BICD1: variants seen among roughly 807,000 people sequenced by gnomAD.
BICD1 encodes the protein protein bicaudal D homolog 1.
A neutral mutation model predicts 92.5 loss-of-function variants in BICD1; 35 were observed. The observed-to-expected ratio is 0.38, with a 90% CI of 0.29 to 0.50. The LOEUF is 0.50. Ranked by LOEUF, BICD1 falls within the 20% of genes least tolerant of loss-of-function variation. BICD1 has a pLI of 0.93. For missense variants in BICD1, 950 were observed against 1,189.8 expected (o/e 0.80, Z 2.97); for synonymous variants, 429 against 465.1 (o/e 0.92, Z 1.00).
intron 1 of BICD1, among the ~76,000 whole-genome samples, chr12:32,124,112 C>G (rs995912155): frequency 6.6e-6 from 1 of 152,174 alleles, no homozygotes; most frequent in Non-Finnish European, 1.5e-5. Context: ...TAAAGACAGT[C>G]TCAACATTGT....
intron 2 of BICD1, among the ~76,000 whole-genome samples, chr12:32,233,242 A>T (rs1188501213): frequency 2.0e-5 from 3 of 149,448 alleles, no homozygotes; most frequent in Admixed American, 1.4e-4. Flanking sequence ...GAATCGCTTG[A>T]ACCCAGGAGG....
chr12:32,122,554 T>C (rs1942194857), intron 1 of BICD1, among the ~76,000 whole-genome samples: 2 of 152,116 alleles, frequency 1.3e-5, no homozygotes, highest in African/African-American at 4.8e-5. Flanking sequence ...TTCTCAGGTC[T>C]TCTATCTTAA....
At chr12:32,302,132 C>T (rs968301648) in intron 3 of BICD1, among the ~76,000 whole-genome samples, 1 of 152,098 alleles carries the variant, frequency 6.6e-6, no homozygotes, top group Non-Finnish European at 1.5e-5. Context: ...GTGATCCGCC[C>T]GCCTCAGCCT....
At chr12:32,350,106 C>T (rs906197254) in intron 8 of BICD1, among the ~76,000 whole-genome samples, 6 of 152,156 alleles carry the variant, frequency 3.9e-5, no homozygotes, top group African/African-American at 1.2e-4. Flanking sequence ...GCCTGAGCTC[C>T]GGCTGTGAGC....
chr12:32,180,115 T>C (rs1215796479), intron 1 of BICD1, among the ~76,000 whole-genome samples: 1 of 151,986 alleles, frequency 6.6e-6, no homozygotes, highest in African/African-American at 2.4e-5. Context: ...ATTTCTTTTT[T>C]AGACTTTCAT....
At chr12:32,342,935 G>A (rs1938435903) in intron 8 of BICD1, among the ~76,000 whole-genome samples, 1 of 152,124 alleles carries the variant, frequency 6.6e-6, no homozygotes, top group African/African-American at 2.4e-5. Context: ...TATACTGATC[G>A]GTTTGCTGCA....
At chr12:32,209,110 C>T (rs1364228298) in intron 1 of BICD1, among the ~76,000 whole-genome samples, 1 of 152,054 alleles carries the variant, frequency 6.6e-6, no homozygotes, top group Non-Finnish European at 1.5e-5. Context: ...CGTGAGCCAC[C>T]GCGCCCAGTC....
chr12:32,369,315 C>T (rs325437), intron 9 of BICD1, among the ~76,000 whole-genome samples: 92,035 of 152,190 alleles, frequency 0.6, 29,363 homozygotes, highest in African/African-American at 0.81. Flanking sequence ...CTCAGTAGTC[C>T]GGTTGTGGTT....
At chr12:32,231,713 A>G (rs1279068826) in intron 2 of BICD1, among the ~76,000 whole-genome samples, 1 of 151,228 alleles carries the variant, frequency 6.6e-6, no homozygotes, top group Non-Finnish European at 1.5e-5. Context: ...AGCATTAGGT[A>G]TATCCCCCAA....
At chr12:32,141,538 A>T (rs7305973) in intron 1 of BICD1, among the ~76,000 whole-genome samples, 12,213 of 152,032 alleles carry the variant, frequency 0.08, 656 homozygotes, top group Admixed American at 0.14. Context: ...CAGTGGTGCA[A>T]TCTCGGCTCA....
Position 32,372,945 on chromosome 12 carries a change from A to C in BICD1, c.2841-4595A>C, listed in dbSNP as rs537329974. ...CAGGCTAATTCCATTGTAGAGCTAA[A>C]TTATCAAAATTGTTTATAGATAATA... is the stretch of plus-strand genomic sequence containing the variant. On this transcript the variant is annotated intron_variant, in intron 9 of 9. Coordinates refer to ENST00000652176, the MANE Select transcript of BICD1 (RefSeq NM_001714.4). 6.8e-4 allele frequency among the ~76,000 whole-genome samples: 103 copies of C among 152,364 alleles called. 1 individual carries two copies. The highest frequency in any genetic ancestry group is 3.4e-3 in the Middle Eastern group (1 of 294).
chr12:32,223,354 C>T (rs7968006), intron 2 of BICD1, among the ~76,000 whole-genome samples: 3,794 of 152,176 alleles, frequency 0.025, 158 homozygotes, highest in African/African-American at 0.086. Flanking sequence ...CCCGTCTCTA[C>T]TAAAAATACA....
At chr12:32,235,025 C>T (rs1030031020) in intron 2 of BICD1, among the ~76,000 whole-genome samples, 1 of 152,124 alleles carries the variant, frequency 6.6e-6, no homozygotes, top group Non-Finnish European at 1.5e-5. Context: ...ATACTATTCT[C>T]CAGCCTACAG....
rs759328721 is a variant in BICD1 at position 32,182,278 on chromosome 12, C to CTTTTTTTTTTTTTTTTTTTTTTTT, written c.214-33947_214-33946insTTTTTTTTTTTTTTTTTTTTTTTT. Among the ~76,000 whole-genome samples the CTTTTTTTTTTTTTTTTTTTTTTTT allele has an allele frequency of 7.2e-4, 59 of 81,426 alleles. 2 individuals carry two copies. Among genetic ancestry groups the CTTTTTTTTTTTTTTTTTTTTTTTT allele is most frequent in the African/African-American group, 1.2e-3 (29 of 23,300 alleles). 53.4% of individuals were successfully genotyped at this position (81,426 alleles called of 152,430 possible). ...TTCTTTTTTCTTTCTTTCTTTCTTT[C>CTTTTTTTTTTTTTTTTTTTTTTTT]TTTTTTTTTTTTTTTTTTTTTTGAG... On this transcript the variant is annotated intron_variant, in intron 1 of 9. Coordinates refer to ENST00000652176, the MANE Select transcript of BICD1 (RefSeq NM_001714.4).
At chr12:32,143,716 G>T (rs1434237692) in intron 1 of BICD1, among the ~76,000 whole-genome samples, 1 of 152,066 alleles carries the variant, frequency 6.6e-6, no homozygotes, top group Non-Finnish European at 1.5e-5. Flanking sequence ...TCTTCAACCT[G>T]CCTGTATTTT....
chr12:32,225,065 AC>A (rs1210239739), intron 2 of BICD1, among the ~76,000 whole-genome samples: 3 of 152,098 alleles, frequency 2.0e-5, no homozygotes, highest in Non-Finnish European at 4.4e-5. Flanking sequence ...CAGTTTCACC[AC>A]TTCAGAAATC....
intron 1 of BICD1, among the ~76,000 whole-genome samples, chr12:32,155,735 A>G (rs1943417153): frequency 6.6e-6 from 1 of 152,246 alleles, no homozygotes; most frequent in Non-Finnish European, 1.5e-5. Context: ...AAAACATAAA[A>G]AAAATTGGGA....
chr12:32,329,993 G>A (rs1168363885), intron 5 of BICD1, among the ~76,000 whole-genome samples: 1 of 152,182 alleles, frequency 6.6e-6, no homozygotes, highest in Non-Finnish European at 1.5e-5. Flanking sequence ...CGCAAGCAGT[G>A]CCAGTGAATA....
At chr12:32,107,797 A>C (rs1045640562) in intron 1 of BICD1, 1 of 700,126 alleles carries the variant, frequency 1.4e-6, no homozygotes, top group Non-Finnish European at 2.6e-6. Context: ...GGAGATTAGT[A>C]AGAGTCATCA....
Sources: allele counts gnomAD v4.1 joint callset (sites outside exome capture counted in the v4.1 genomes callset), GRCh38; gene constraint gnomAD v4.1.1; transcripts MANE v1.5; gene names NCBI Gene and HGNC (gene_info 2026-07-23, HGNC 2026-07-21).